The following SCAMP2 variants were observed in gnomAD, a reference collection of about 807,000 sequenced individuals.
SCAMP2 encodes secretory carrier membrane protein 2.
A neutral mutation model predicts 44.1 loss-of-function variants in SCAMP2; 25 were observed. That is an observed-to-expected ratio of 0.57 (90% CI 0.41 to 0.79). The LOEUF (loss-of-function observed/expected upper bound fraction) is 0.79. Among genes scored for constraint, SCAMP2 ranks in the 30% least tolerant of loss-of-function variants. The pLI is 0.00. For missense variants in SCAMP2, 355 were observed against 411.0 expected (o/e 0.86, Z 1.18); for synonymous variants, 156 against 166.0 (o/e 0.94, Z 0.46).
chr15:74,866,246 T>C (rs546999955), intron 1 of SCAMP2, among the ~76,000 whole-genome samples: 30 of 151,188 alleles, frequency 2.0e-4, no homozygotes. Flanking sequence ...CAAACAAGCA[T>C]GTGAGTCACA....
At chr15:74,872,975 C>A in intron 1 of SCAMP2, 4 of 475,358 alleles carry the variant, frequency 8.4e-6, no homozygotes, top group Non-Finnish European at 1.1e-5. Context: ...GCTAGAAGAC[C>A]CCACTGTCTC....
intron 7 of SCAMP2, among the ~76,000 whole-genome samples, chr15:74,847,023 T>G (rs1596413305): frequency 6.7e-6 from 1 of 150,238 alleles, no homozygotes; most frequent in African/African-American, 2.4e-5. Context: ...GACATATAGA[T>G]CAATAGATCA....
In SCAMP2 at chr15:74,845,590, A is replaced by G; in HGVS notation, c.738T>C (p.Gly246=). ...LVGIPGLGDS[G]WIAALSTLDN... ...CCAGTGTAGACAGGGCTGCAATCCA[A>G]CCGCTATAAAGGGAAGAAGAGGCCA... The change falls in exon 8 of 9, where the codon GGT becomes GGC. Residue 246 remains glycine (G), a synonymous_variant. Transcript: ENST00000268099. 1 of 1,613,936 alleles carries G rather than the reference A, an allele frequency of 6.2e-7. No individual in the cohort carries two copies. The highest frequency in any genetic ancestry group is 8.5e-7 in the Non-Finnish European group (1 of 1,179,938).
At chr15:74,869,807 T>TA (rs2064563466) in intron 1 of SCAMP2, among the ~76,000 whole-genome samples, 1 of 152,230 alleles carries the variant, frequency 6.6e-6, no homozygotes, top group Admixed American at 6.5e-5. Flanking sequence ...GGAGTGTGAC[T>TA]AGGTGTGACA....
chr15:74,849,460 C>A (rs1472886636), intron 6 of SCAMP2, among the ~76,000 whole-genome samples: 1 of 150,264 alleles, frequency 6.7e-6, no homozygotes. Flanking sequence ...AAAAACAAAA[C>A]AGGCTGGGCA....
chr15:74,851,434 G>C lies in SCAMP2; in HGVS notation c.391C>G (p.Pro131Ala). 1 of 1,614,006 alleles carries C rather than the reference G, an allele frequency of 6.2e-7. No individual in the cohort carries two copies. Among genetic ancestry groups the C allele is most frequent in the African/African-American group, 1.3e-5 (1 of 75,048 alleles). ...GTGGAGAAATCCTGATAGAAGCAGG[G>C]CTTCACAGGGCACCACGAGGGCAGA... ...PPLPSWCPVK[P>A]CFYQDFSTEI... Residue 131 changes from proline (P) to alanine (A), a missense_variant, in exon 5 of 9, where the codon CCC (proline) becomes GCC (alanine). Pro to Ala is a conservative substitution (Grantham distance 27). Coordinates refer to ENST00000268099, the MANE Select transcript of SCAMP2 (RefSeq NM_005697.5).
intron 5 of SCAMP2, 118 bp downstream of exon 5, chr15:74,851,235 A>G: frequency 8.3e-7 from 1 of 1,210,878 alleles, no homozygotes; most frequent in Non-Finnish European, 1.2e-6. Flanking sequence ...CCAGGCACTG[A>G]GGAAGGCTGG....
chr15:74,853,956 T>G, intron 3 of SCAMP2, 65 bp downstream of exon 3: 1 of 1,407,974 alleles, frequency 7.1e-7, no homozygotes, highest in South Asian at 1.2e-5. Context: ...GCCTCAGGGC[T>G]CAGCTACTGG....
intron 3 of SCAMP2, chr15:74,853,169 TG>T (rs1567250670): frequency 6.0e-6 from 2 of 333,256 alleles, no homozygotes. Flanking sequence ...TGTGCCACGC[TG>T]GGGGTCTTGA....
chr15:74,845,147 A>G lies in SCAMP2; in HGVS notation c.926T>C (p.Phe309Ser). 1 of 1,614,040 alleles carries G rather than the reference A, an allele frequency of 6.2e-7. No individual in the cohort carries two copies. The highest frequency in any genetic ancestry group is 8.5e-7 in the Non-Finnish European group (1 of 1,179,992). ...QAQEEFSQGI[F>S]SSRTFHRAAS... is the part of the protein sequence containing the mutation. ...AGCTCTGTGGAAGGTTCTGCTGCTG[A>G]AGATGCCCTGGGAAAACTCCTCCTG... The change falls in exon 9 of 9, where the codon TTC (phenylalanine) becomes TCC (serine). Residue 309 changes from phenylalanine (F) to serine (S), a missense_variant. Transcript: ENST00000268099.
intron 1 of SCAMP2, among the ~76,000 whole-genome samples, chr15:74,869,253 AAT>A (rs2064561063): frequency 6.6e-6 from 1 of 152,288 alleles, no homozygotes; most frequent in South Asian, 2.1e-4. Context: ...CATTACTCAG[AAT>A]ATATATTGCT....
intron 1 of SCAMP2, among the ~76,000 whole-genome samples, chr15:74,861,647 G>C (rs981633446): frequency 1.3e-5 from 2 of 151,984 alleles, no homozygotes; most frequent in South Asian, 4.2e-4. Flanking sequence ...GCCTATAATC[G>C]CAGCACTTTG....
At chr15:74,864,206 T>C (rs765877117) in intron 1 of SCAMP2, among the ~76,000 whole-genome samples, 77 of 152,110 alleles carry the variant, frequency 5.1e-4, no homozygotes, top group Non-Finnish European at 1.0e-3. Flanking sequence ...GGATTACAGG[T>C]GTGTGCCACC....
chr15:74,872,923 C>T (rs2064586797), intron 1 of SCAMP2: 1 of 416,916 alleles, frequency 2.4e-6, no homozygotes. Flanking sequence ...TCCGACCGTA[C>T]CTGCTCCAGT....
chr15:74,859,363 C>G (rs529426812), intron 1 of SCAMP2, among the ~76,000 whole-genome samples: 2 of 152,252 alleles, frequency 1.3e-5, no homozygotes, highest in East Asian at 3.9e-4. Flanking sequence ...CAAGTGGGCA[C>G]CCCCTGAAGG....
In SCAMP2 at chr15:74,844,865, G is replaced by A. The variant is rs1596411827; in HGVS notation, c.*218C>T. 1.9e-6 allele frequency: 1 copy of A among 531,590 alleles called. No individual in the cohort carries two copies. The highest frequency in any genetic ancestry group is 3.1e-5 in the East Asian group (1 of 32,356). 32.9% of individuals were successfully genotyped at this position (531,590 alleles called of 1,614,324 possible). A position where few individuals can be genotyped will look rare whatever the true frequency, so the allele number is the denominator to read the frequency against. Reference sequence around the variant, plus strand: ...ATCCTACCAAACCATCACCAGAGAAGGAAAGAGAGCTTTGTTTTTTTTTGT... The same window carrying A: ...ATCCTACCAAACCATCACCAGAGAAAGAAAGAGAGCTTTGTTTTTTTTTGT... On this transcript the variant is annotated 3_prime_UTR_variant, in exon 9 of 9. Coordinates refer to ENST00000268099, the MANE Select transcript of SCAMP2 (RefSeq NM_005697.5).
At chr15:74,845,383 A>G (rs1723052266) in intron 8 of SCAMP2, 90 bp downstream of exon 8, 1 of 1,604,640 alleles carries the variant, frequency 6.2e-7, no homozygotes, top group Non-Finnish European at 8.5e-7. Context: ...AGGATGCCCA[A>G]CTGCAGTGGT....
intron 7 of SCAMP2, 64 bp downstream of exon 7, chr15:74,848,536 C>A: frequency 9.2e-7 from 1 of 1,085,566 alleles, no homozygotes; most frequent in Non-Finnish European, 1.4e-6. Flanking sequence ...AGCTAGAAAA[C>A]AGGGCAAGAG....
intron 5 of SCAMP2, among the ~76,000 whole-genome samples, chr15:74,851,066 C>T (rs2064432256): frequency 6.6e-6 from 1 of 152,200 alleles, no homozygotes; most frequent in Non-Finnish European, 1.5e-5. Flanking sequence ...GCAGGGAAGG[C>T]CTTCACCTAA....
Sources: gnomAD v4.1 joint callset for allele counts (sites outside exome capture counted in the v4.1 genomes callset) on GRCh38, gnomAD v4.1.1 for gene constraint, MANE v1.5 for transcripts, NCBI Gene and HGNC (gene_info 2026-07-23, HGNC 2026-07-21) for gene names.